Variants in ECSCR observed in about 807,000 individuals in gnomAD.
ECSCR encodes endothelial cell surface expressed chemotaxis and apoptosis regulator, also known as endothelial cell-specific chemotaxis regulator.
A neutral mutation model predicts 16.7 loss-of-function variants in ECSCR; 12 were observed. The ratio of observed to expected loss-of-function variants is 0.72; its 90% CI spans 0.46 to 1.17. The LOEUF is 1.17. Ranked by LOEUF, ECSCR falls within the 50% of genes most tolerant of loss-of-function variation. The probability of loss-of-function intolerance (pLI) is 0.00; values close to 1 mark genes in which losing one functional copy is unlikely to be tolerated. For missense variants in ECSCR, 122 were observed against 116.1 expected, an observed-to-expected ratio of 1.05 and a Z score of -0.23; for synonymous variants, 44 against 42.2, an observed-to-expected ratio of 1.04 and a Z score of -0.17.
chr5:139,456,456 G>A lies in ECSCR; in HGVS notation c.262+18C>T, dbSNP rs1438419463. ...TCTCCTGCCGACTTCTCTTCAGGGC[G>A]AGTGCAGCAGGACATACCTCTGCTT... is the stretch of plus-strand genomic sequence containing the variant. On this transcript the variant is annotated intron_variant, in intron 5 of 9. Transcript: ENST00000618155. The A allele has an allele frequency of 1.0e-5, 4 of 398,586 alleles. No homozygotes were observed. Among genetic ancestry groups the A allele is most frequent in the South Asian group, 2.5e-4 (2 of 7,852 alleles). The allele number at this position is 398,586 out of a possible 1,614,324, so 24.7% of individuals were successfully genotyped here. A position where few individuals can be genotyped will look rare whatever the true frequency, so the allele number is the denominator to read the frequency against.
chr5:139,449,876 C>A (rs36137978), intron 8 of ECSCR, among the ~76,000 whole-genome samples: 80,934 of 151,344 alleles, frequency 0.53, 25,819 homozygotes, highest in Non-Finnish European at 0.72. Context: ...TGTGAGCCAT[C>A]GCATCCGCTA....
intron 4 of ECSCR, 75 bp downstream of exon 4, chr5:139,457,470 C>G (rs1306054201): frequency 2.7e-5 from 21 of 779,418 alleles, no homozygotes; most frequent in Non-Finnish European, 1.4e-5. Context: ...TCTATATTCT[C>G]TTTTAGAGCA....
intron 5 of ECSCR, 63 bp downstream of exon 5, chr5:139,456,411 G>C (rs988545622): frequency 7.5e-6 from 3 of 397,986 alleles, no homozygotes; most frequent in African/African-American, 6.2e-5. Flanking sequence ...GGGATAAGAC[G>C]AGAGAAAGGG....
intron 8 of ECSCR, among the ~76,000 whole-genome samples, chr5:139,454,256 G>A (rs1428974481): frequency 2.0e-5 from 3 of 147,334 alleles, no homozygotes; most frequent in African/African-American, 7.5e-5. Flanking sequence ...TGTGTGAGAT[G>A]TGCGTCTAGT....
At chr5:139,455,290 C>CT (rs1751131710) in intron 6 of ECSCR, 33 bp downstream of exon 6, 1 of 398,330 alleles carries the variant, frequency 2.5e-6, no homozygotes, top group Non-Finnish European at 4.4e-6. Context: ...GTAGGGGTTC[C>CT]TCCTATGTCC....
At chr5:139,449,528 A>G (rs992118790) in intron 8 of ECSCR, among the ~76,000 whole-genome samples, 41 of 151,964 alleles carry the variant, frequency 2.7e-4, no homozygotes, top group African/African-American at 9.7e-4. Flanking sequence ...TAGTAGAGAC[A>G]GGATTTTACC....
At chr5:139,457,843 C>T (rs1751194126) in intron 2 of ECSCR, 36 bp from the exon 3 acceptor site, 1 of 1,579,652 alleles carries the variant, frequency 6.3e-7, no homozygotes, top group Non-Finnish European at 8.6e-7. Flanking sequence ...GGGTGCACCG[C>T]CTCCTACTGT....
At chr5:139,449,978 C>A (rs1751002956) in intron 8 of ECSCR, among the ~76,000 whole-genome samples, 1 of 152,054 alleles carries the variant, frequency 6.6e-6, no homozygotes, top group Non-Finnish European at 1.5e-5. Context: ...TCACTGCAAC[C>A]TCCGCCTCTG....
In ECSCR at chr5:139,448,753, T is replaced by C; in HGVS notation, c.*147A>G. The C allele has an allele frequency of 6.9e-7, 1 of 1,458,672 alleles. No homozygotes were observed. The allele number at this position is 1,458,672 out of a possible 1,614,324, so 90.4% of individuals were successfully genotyped here. A position where few individuals can be genotyped will look rare whatever the true frequency, so the allele number is the denominator to read the frequency against. ...TAGCTTGCTCCCAGATCTGGGGCAATGCTAGTGTCCTTTAGATCTAGAAGC... is the reference window on the plus strand; with the variant it reads ...TAGCTTGCTCCCAGATCTGGGGCAACGCTAGTGTCCTTTAGATCTAGAAGC... On this transcript the variant is annotated 3_prime_UTR_variant, in exon 10 of 10. Coordinates refer to ENST00000618155, the MANE Select transcript of ECSCR (RefSeq NM_001077693.4).
At chr5:139,458,454 C>T (rs2152089755) in intron 1 of ECSCR, among the ~76,000 whole-genome samples, 1 of 123,344 alleles carries the variant, frequency 8.1e-6, no homozygotes, top group East Asian at 2.3e-4. Flanking sequence ...GCTATGATTG[C>T]ACCACTACAC....
chr5:139,452,224 A>ATAGTAT (rs1308858863), intron 8 of ECSCR, among the ~76,000 whole-genome samples: 1 of 71,596 alleles, frequency 1.4e-5, no homozygotes, highest in African/African-American at 5.6e-5. Context: ...TGTGGTGTGT[A>ATAGTAT]GGGGTGTGTG....
chr5:139,455,960 A>G (rs2152089255), intron 5 of ECSCR, among the ~76,000 whole-genome samples: 1 of 152,128 alleles, frequency 6.6e-6, no homozygotes, highest in African/African-American at 2.4e-5. Flanking sequence ...CATCTCTACT[A>G]AAAATACAAA....
Position 139,457,608 on chromosome 5 carries a change from C to A in ECSCR, c.158-4G>T. ...GCCTCTGAGGAAGGGATGTATCCTG[C>A]AAGGACAGAGGCAGATAGGGAGTGG... On this transcript the variant is annotated splice_region_variant and splice_polypyrimidine_tract_variant and intron_variant, in intron 3 of 9. Transcript: ENST00000618155. 1 of 906,864 alleles carries A rather than the reference C, an allele frequency of 1.1e-6. No homozygotes were observed. 56.2% of individuals were successfully genotyped at this position (906,864 alleles called of 1,614,324 possible). A position where few individuals can be genotyped will look rare whatever the true frequency, so the allele number is the denominator to read the frequency against.
At chr5:139,454,148 T>G (rs1291304401) in intron 8 of ECSCR, among the ~76,000 whole-genome samples, 4 of 112,708 alleles carry the variant, frequency 3.5e-5, no homozygotes, top group East Asian at 5.6e-4. Flanking sequence ...ATGAGTGGGG[T>G]GTGTGTGTGT....
At chr5:139,454,378 T>A (rs1337926551) in intron 8 of ECSCR, among the ~76,000 whole-genome samples, 1 of 145,634 alleles carries the variant, frequency 6.9e-6, no homozygotes, top group East Asian at 2.0e-4. Flanking sequence ...TGTGGGTGTG[T>A]GTAGTGAAGT....
chr5:139,460,312 G>T (rs1217143208), intron 1 of ECSCR, among the ~76,000 whole-genome samples: 1 of 151,710 alleles, frequency 6.6e-6, no homozygotes, highest in African/African-American at 2.4e-5. Flanking sequence ...ATTTTTGTAT[G>T]TTTAGTAGAG....
At chr5:139,457,850 C>T in intron 2 of ECSCR, 43 bp from the exon 3 acceptor site, 1 of 1,562,990 alleles carries the variant, frequency 6.4e-7, no homozygotes, top group Non-Finnish European at 8.7e-7. Flanking sequence ...CCGCCTCCTA[C>T]TGTTCCATCT....
chr5:139,452,491 GT>G (rs2152088570), intron 8 of ECSCR, among the ~76,000 whole-genome samples: 3 of 149,196 alleles, frequency 2.0e-5, no homozygotes, highest in East Asian at 2.1e-4. Context: ...GGAGTGTGTG[GT>G]GTGTTTGTGA....
chr5:139,461,139 C>A (rs946479739), intron 1 of ECSCR, among the ~76,000 whole-genome samples: 1 of 152,070 alleles, frequency 6.6e-6, no homozygotes, highest in African/African-American at 2.4e-5. Flanking sequence ...CTCTGGCCTG[C>A]GCAATGGAGC....
Sources: allele counts gnomAD v4.1 joint callset (sites outside exome capture counted in the v4.1 genomes callset), GRCh38; gene constraint gnomAD v4.1.1; transcripts MANE v1.5; gene names NCBI Gene and HGNC (gene_info 2026-07-23, HGNC 2026-07-21).